Variants in EPHB3 observed in about 807,000 individuals in gnomAD.
EPHB3 encodes the protein ephrin type-B receptor 3.
In EPHB3, 33 loss-of-function variants were observed where a neutral mutation model predicts 100.2. The ratio of observed to expected loss-of-function variants is 0.33; its 90% CI spans 0.25 to 0.44. EPHB3 has a LOEUF of 0.44. Among genes scored for constraint, EPHB3 ranks in the 20% least tolerant of loss-of-function variants. EPHB3 has a pLI of 1.00. For synonymous variants in EPHB3, 526 were observed against 554.7 expected, an observed-to-expected ratio of 0.95 and a Z score of 0.73; for missense variants, 1,045 against 1,378.3, an observed-to-expected ratio of 0.76 and a Z score of 3.83.
chr3:184,575,761 T>G, intron 3 of EPHB3, 69 bp from the exon 4 acceptor site: 46 of 1,490,620 alleles, frequency 3.1e-5, no homozygotes, highest in Non-Finnish European at 3.6e-5. Context: ...CAGGTTCTCA[T>G]GGAGCTGCGG....
rs377683105 is a variant in EPHB3, at chr3:184,579,853, C to T, written c.2091C>T (p.Leu697=). 8.7e-6 allele frequency: 14 copies of T among 1,613,672 alleles called. No homozygotes were observed. The highest frequency in any genetic ancestry group is 2.2e-5 in the East Asian group (1 of 44,848). The change falls in exon 11 of 16, where the codon CTC becomes CTT. Residue 697 remains leucine (L), a synonymous_variant. Coordinates refer to ENST00000330394, the MANE Select transcript of EPHB3 (RefSeq NM_004443.4). The surrounding 1 kb of genome is among the most constrained non-coding windows in gnomAD (Gnocchi z 5.2). The part of the protein sequence containing the change: ...GQFDHPNIIR[L]EGVVTKSRPV... ...TTGATCACCCCAATATAATCCGGCT[C>T]GAGGGCGTGGTCACCAAAAGTCGGC... is the stretch of plus-strand genomic sequence containing the variant.
At position 184,581,829 on chromosome 3, in the gene EPHB3, GGA is replaced by G. The variant is rs1714831088; in HGVS notation, c.*211_*212del. ...ACCTCTTCATATTGAAGATGGATTA[GGA>G]GAGGGGGTGATGACCCCTCCCCAAG... is the stretch of plus-strand genomic sequence containing the variant. On this transcript the variant is annotated 3_prime_UTR_variant, in exon 16 of 16. Coordinates refer to ENST00000330394, the MANE Select transcript of EPHB3 (RefSeq NM_004443.4). 1 of 556,292 alleles carries G rather than the reference GGA, an allele frequency of 1.8e-6. No homozygotes were observed. The allele number at this position is 556,292 out of a possible 1,614,324, so 34.5% of individuals were successfully genotyped here. A position where few individuals can be genotyped will look rare whatever the true frequency, so the allele number is the denominator to read the frequency against.
chr3:184,563,140 A>G lies in EPHB3; in HGVS notation c.118+787A>G, dbSNP rs572219253. ...GCAGCTCCAACTTCCAAATGATTGT[A>G]CTTGGATGAACAGCCCGGCGTTGTT... is the stretch of plus-strand genomic sequence containing the variant. On this transcript the variant is annotated intron_variant, in intron 1 of 15. Transcript: ENST00000330394. The surrounding 1 kb of genome is among the most constrained non-coding windows in gnomAD (Gnocchi z 4.1). 1.1e-3 allele frequency among the ~76,000 whole-genome samples: 164 copies of G among 152,312 alleles called. No homozygotes were observed. The highest frequency in any genetic ancestry group is 3.8e-3 in the African/African-American group (158 of 41,574).
chr3:184,567,357 G>A (rs1481008452), intron 1 of EPHB3, among the ~76,000 whole-genome samples: 1 of 152,184 alleles, frequency 6.6e-6, no homozygotes, highest in Admixed American at 6.5e-5. Flanking sequence ...TGGCCCATGT[G>A]GCTGCCCTGC....
rs1714497484 is a variant in EPHB3 at position 184,569,846 on chromosome 3, A to T, written c.119-1472A>T. 6.6e-6 allele frequency among the ~76,000 whole-genome samples: 1 copy of T among 152,218 alleles called. No individual in the cohort carries two copies. Among genetic ancestry groups the T allele is most frequent in the Non-Finnish European group, 1.5e-5 (1 of 68,040 alleles). On this transcript the variant is annotated intron_variant, in intron 1 of 15. Coordinates refer to ENST00000330394, the MANE Select transcript of EPHB3 (RefSeq NM_004443.4). This position sits in a 1 kb window ranked among gnomAD's most constrained non-coding sequence, Gnocchi z 5.4. ...CCCACTTGGGCACCCAGAGGGGATG[A>T]TGTAGAGGCCTCCAGAGGTCCTGGG...
rs1003176521 is a variant in EPHB3, at chr3:184,563,942, G to T, written c.118+1589G>T. On this transcript the variant is annotated intron_variant, in intron 1 of 15. Transcript: ENST00000330394. This position sits in a 1 kb window ranked among gnomAD's most constrained non-coding sequence, Gnocchi z 4.1. ...TGGGTGCTGGTGCTGAGTGTGGAGTGGGAGTGTGGTTTGGGTCAGGTGCAC... is the reference window on the plus strand; with the variant it reads ...TGGGTGCTGGTGCTGAGTGTGGAGTTGGAGTGTGGTTTGGGTCAGGTGCAC... Among the ~76,000 whole-genome samples, 1 of 152,226 alleles carries T rather than the reference G, an allele frequency of 6.6e-6. No individual in the cohort carries two copies. The highest frequency in any genetic ancestry group is 2.4e-5 in the African/African-American group (1 of 41,458).
chr3:184,563,387 T>C lies in EPHB3; in HGVS notation c.118+1034T>C, dbSNP rs544193144. Among the ~76,000 whole-genome samples the C allele has an allele frequency of 6.6e-6, 1 of 152,324 alleles. No homozygotes were observed. The highest frequency in any genetic ancestry group is 1.9e-4 in the East Asian group (1 of 5,188). ...AATTGGAATAAAGGCAGTACTTATT[T>C]GGGGTATCTTTAACAGATCTAGTTA... is the stretch of plus-strand genomic sequence containing the variant. On this transcript the variant is annotated intron_variant, in intron 1 of 15. Transcript: ENST00000330394. The surrounding 1 kb of genome is among the most constrained non-coding windows in gnomAD (Gnocchi z 4.1).
chr3:184,568,948 GCTCCCTCC>G, intron 1 of EPHB3, among the ~76,000 whole-genome samples: 1 of 149,280 alleles, frequency 6.7e-6, no homozygotes, highest in South Asian at 2.2e-4. Flanking sequence ...TGCCTCCCTC[GCTCCCTCC>G]CTCCTTCCCG....
At position 184,581,315 on chromosome 3, in the gene EPHB3, A is replaced by G. The variant is rs1228175728; in HGVS notation, c.2795A>G (p.Asp932Gly). 2 of 1,610,018 alleles carry G rather than the reference A, an allele frequency of 1.2e-6. No homozygotes were observed. Among genetic ancestry groups the G allele is most frequent in the South Asian group, 2.2e-5 (2 of 90,206 alleles). ...PDYTTFTTVGDWLDAIKMGRY... is the reference protein window; with the variant it reads ...PDYTTFTTVGGWLDAIKMGRY... ...TACACAACCTTCACGACAGTTGGTG[A>G]TTGGCTGGATGCCATCAAGATGGGG... Residue 932 changes from aspartate to glycine, a missense_variant, in exon 15 of 16, where the codon GAT becomes GGT. Transcript: ENST00000330394.
chr3:184,562,362 C>A lies in EPHB3; in HGVS notation c.118+9C>A, dbSNP rs1222423516. 2.5e-6 allele frequency: 3 copies of A among 1,220,674 alleles called. No homozygotes were observed. In the South Asian group the frequency reaches 1.1e-4, roughly 45 times the overall value. 75.6% of individuals were successfully genotyped at this position (1,220,674 alleles called of 1,614,324 possible). On this transcript the variant is annotated intron_variant, in intron 1 of 15. Coordinates refer to ENST00000330394, the MANE Select transcript of EPHB3 (RefSeq NM_004443.4). This position sits in a 1 kb window ranked among gnomAD's most constrained non-coding sequence, Gnocchi z 4.8. ...CTGCCGGGCGCTGGAAGGTGAGCGG[C>A]GTCGGGGGGCGCGCCCGGGAACAAG...
chr3:184,571,589 C>T lies in EPHB3; in HGVS notation c.183+207C>T, dbSNP rs1714541359. Among the ~76,000 whole-genome samples, 1 of 151,948 alleles carries T rather than the reference C, an allele frequency of 6.6e-6. No homozygotes were observed. The highest frequency in any genetic ancestry group is 1.5e-5 in the Non-Finnish European group (1 of 68,004). On this transcript the variant is annotated intron_variant, in intron 2 of 15. Transcript: ENST00000330394. This position sits in a 1 kb window ranked among gnomAD's most constrained non-coding sequence, Gnocchi z 5.0. The stretch of plus-strand genomic sequence containing the variant: ...GGTCCTTCTCTGTGGGCATTTCTAT[C>T]TCTCACCCCTCTGCCTGCCTGTGCC...
In EPHB3 at chr3:184,579,950, C is replaced by G. The variant is rs768591414; in HGVS notation, c.2172+16C>G. ...CTTCCTCCGGGTAAGAGCCAGCCCC[C>G]AGGCCCTCTCCCTCCCCCAGAGAGT... On this transcript the variant is annotated intron_variant, in intron 11 of 15. Transcript: ENST00000330394. This position sits in a 1 kb window ranked among gnomAD's most constrained non-coding sequence, Gnocchi z 5.2. 6.2e-7 allele frequency: 1 copy of G among 1,607,862 alleles called. No individual in the cohort carries two copies.
At position 184,575,916 on chromosome 3, in the gene EPHB3, G is replaced by A. The variant is rs141695759; in HGVS notation, c.943G>A (p.Ala315Thr). 474 of 1,613,676 alleles carry A rather than the reference G, an allele frequency of 2.9e-4. 2 individuals carry two copies. The highest frequency in any genetic ancestry group is 1.4e-3 in the South Asian group (127 of 91,048). ...CAACAGCCGTACCACCTCCCCAGCC[G>A]CCAGCATCTGCACCTGCCACAATAA... ...PPNSRTTSPA[A>T]SICTCHNNFY... The change falls in exon 4 of 16, where the codon GCC becomes ACC. Residue 315 changes from alanine (A) to threonine (T), a missense_variant. This residue lies in a region of EPHB3 where 985 missense variants were observed against 1,331.1 expected (regional missense o/e 0.74). Coordinates refer to ENST00000330394, the MANE Select transcript of EPHB3 (RefSeq NM_004443.4).
Position 184,572,369 on chromosome 3 carries a change from C to T in EPHB3, c.184-135C>T. The T allele has an allele frequency of 1.1e-6, 1 of 950,652 alleles. No homozygotes were observed. Among genetic ancestry groups the T allele is most frequent in the Non-Finnish European group, 1.4e-6 (1 of 709,886 alleles). The allele number at this position is 950,652 out of a possible 1,614,324, so 58.9% of individuals were successfully genotyped here. On this transcript the variant is annotated intron_variant, in intron 2 of 15. Coordinates refer to ENST00000330394, the MANE Select transcript of EPHB3 (RefSeq NM_004443.4). This position sits in a 1 kb window ranked among gnomAD's most constrained non-coding sequence, Gnocchi z 6.6. ...GCAGGCAGAGAGCTGGAATTTGAGC[C>T]CATATAGCCTGTATGCTCAGCCACT...
chr3:184,572,358 G>A lies in EPHB3; in HGVS notation c.184-146G>A. On this transcript the variant is annotated intron_variant, in intron 2 of 15. Transcript: ENST00000330394. The surrounding 1 kb of genome is among the most constrained non-coding windows in gnomAD (Gnocchi z 6.6). ...ATAATCACACAGCAGGCAGAGAGCT[G>A]GAATTTGAGCCCATATAGCCTGTAT... 1.2e-6 allele frequency: 1 copy of A among 861,884 alleles called. No homozygotes were observed. The highest frequency in any genetic ancestry group is 3.3e-5 in the East Asian group (1 of 30,304). 53.4% of individuals were successfully genotyped at this position (861,884 alleles called of 1,614,324 possible). A position where few individuals can be genotyped will look rare whatever the true frequency, so the allele number is the denominator to read the frequency against.
rs191044755 is a variant in EPHB3 at position 184,571,245 on chromosome 3, C to T, written c.119-73C>T. On this transcript the variant is annotated intron_variant, in intron 1 of 15. Transcript: ENST00000330394. This position sits in a 1 kb window ranked among gnomAD's most constrained non-coding sequence, Gnocchi z 5.0. ...CTGGGATTACAGGTGTGAGCCACTT[C>T]GCTCATCTGTGATCTCTTCTGTCTC... The T allele has an allele frequency of 4.4e-5, 67 of 1,518,016 alleles. 1 individual carries two copies. The highest frequency in any genetic ancestry group is 2.6e-4 in the South Asian group (23 of 88,554). 94.0% of individuals were successfully genotyped at this position (1,518,016 alleles called of 1,614,324 possible).
chr3:184,570,857 C>T (rs1029028530), intron 1 of EPHB3, among the ~76,000 whole-genome samples: 3 of 152,100 alleles, frequency 2.0e-5, no homozygotes, highest in Non-Finnish European at 4.4e-5. Flanking sequence ...TGGGGATGGC[C>T]GCAGGGTCTC....
rs1038292087 is a variant in EPHB3 at position 184,578,557 on chromosome 3, A to T, written c.1801+91A>T. 5.2e-6 allele frequency: 8 copies of T among 1,550,132 alleles called. No individual in the cohort carries two copies. The Admixed American group carries it at 1.4e-4, about 27-fold the overall frequency. On this transcript the variant is annotated intron_variant, in intron 9 of 15. Transcript: ENST00000330394. The surrounding 1 kb of genome is among the most constrained non-coding windows in gnomAD (Gnocchi z 4.7). ...CTCCCTGCCTGGGACTTCATTCCTT[A>T]GAGATAAACCCTGAATGCCCCCTCC...
Position 184,581,268 on chromosome 3 carries a change from C to G in EPHB3, c.2748C>G (p.Leu916=). 6.3e-7 allele frequency: 1 copy of G among 1,598,424 alleles called. No homozygotes were observed. Among genetic ancestry groups the G allele is most frequent in the Non-Finnish European group, 8.5e-7 (1 of 1,171,300 alleles). ...ASAQSGMSQP[L]LDRTVPDYTT... is the part of the protein sequence containing the mutation. ...CTTCCCACAGCATGTCACAGCCCCTCCTGGACCGCACGGTCCCAGATTACA... is the reference window on the plus strand; with the variant it reads ...CTTCCCACAGCATGTCACAGCCCCTGCTGGACCGCACGGTCCCAGATTACA... The change falls in exon 15 of 16, where the codon CTC becomes CTG. Residue 916 remains leucine, a synonymous_variant. Transcript: ENST00000330394.
Sources: allele counts gnomAD v4.1 joint callset (sites outside exome capture counted in the v4.1 genomes callset), GRCh38; gene constraint gnomAD v4.1.1; regional missense constraint gnomAD v4.1.1; non-coding constraint Gnocchi (gnomAD v3.1); transcripts MANE v1.5; gene names NCBI Gene and HGNC (gene_info 2026-07-23, HGNC 2026-07-21).